Variants in MAP3K3 observed in about 807,000 individuals in gnomAD.
The protein encoded by MAP3K3 is mitogen-activated protein kinase kinase kinase 3.
A neutral mutation model predicts 80.9 loss-of-function variants in MAP3K3; 12 were observed. The observed-to-expected ratio is 0.15, with a 90% confidence interval of 0.10 to 0.24. MAP3K3 has a LOEUF of 0.24. Among genes scored for constraint, MAP3K3 ranks in the 10% least tolerant of loss-of-function variants. MAP3K3 has a pLI of 1.00. For synonymous variants in MAP3K3, 272 were observed against 307.1 expected (o/e 0.89, Z 1.19); for missense variants, 596 against 834.7 (o/e 0.71, Z 3.52).
In MAP3K3 at chr17:63,692,385, A is replaced by T. The variant is rs762747364; in HGVS notation, c.1618A>T (p.Ser540Cys). 6.2e-7 allele frequency: 1 copy of T among 1,611,184 alleles called. No homozygotes were observed. Among genetic ancestry groups the T allele is most frequent in the Non-Finnish European group, 8.5e-7 (1 of 1,178,300 alleles). Residue 540 changes from serine (S) to cysteine (C), a missense_variant, in exon 15 of 16, where the codon AGC becomes TGC. Transcript: ENST00000361733. This position sits in a 1 kb window ranked among gnomAD's most constrained non-coding sequence, Gnocchi z 4.5. ...CTACTGGATGAGCCCTGAGGTGATC[A>T]GCGGCGAGGGCTATGGAAGGAAAGC... The part of the protein sequence containing the change: ...TPYWMSPEVI[S>C]GEGYGRKADV...
At chr17:63,684,283 T>C (rs2035402199) in intron 7 of MAP3K3, among the ~76,000 whole-genome samples, 1 of 152,228 alleles carries the variant, frequency 6.6e-6, no homozygotes, top group African/African-American at 2.4e-5. Context: ...GAATCTTTGG[T>C]ATTCTTCCTC....
intron 10 of MAP3K3, 57 bp downstream of exon 10, chr17:63,688,938 T>C (rs970236206): frequency 3.0e-6 from 4 of 1,319,234 alleles, no homozygotes; most frequent in African/African-American, 1.4e-5. Context: ...CAAGTTGCCA[T>C]GGGGAGGGTG....
intron 5 of MAP3K3, among the ~76,000 whole-genome samples, chr17:63,664,038 C>T (rs1199514716): frequency 6.6e-6 from 1 of 151,370 alleles, no homozygotes; most frequent in Non-Finnish European, 1.5e-5. Context: ...GTCAGGAGAT[C>T]GAGACCATCC....
intron 3 of MAP3K3, among the ~76,000 whole-genome samples, chr17:63,648,730 G>A (rs145561922): frequency 1.3e-5 from 2 of 152,188 alleles, no homozygotes; most frequent in African/African-American, 4.8e-5. Context: ...CAGGAGAATC[G>A]CTTGAACCTG....
chr17:63,676,678 A>C (rs1431542336), intron 6 of MAP3K3, among the ~76,000 whole-genome samples: 2 of 152,220 alleles, frequency 1.3e-5, no homozygotes, highest in Non-Finnish European at 2.9e-5. Flanking sequence ...CAATGAGGGA[A>C]GAAAGAGAAG....
chr17:63,688,921 G>GAAAGGACAAGTTGCCAA, intron 10 of MAP3K3, 40 bp downstream of exon 10: 1 of 1,491,356 alleles, frequency 6.7e-7, no homozygotes, highest in South Asian at 1.1e-5. Flanking sequence ...GCTGCCTCAA[G>GAAAGGACAAGTTGCCAA]AAAGGACAAG....
At chr17:63,626,999 G>A (rs1467686183) in intron 1 of MAP3K3, among the ~76,000 whole-genome samples, 1 of 152,280 alleles carries the variant, frequency 6.6e-6, no homozygotes, top group East Asian at 1.9e-4. Context: ...AACTTTTCTG[G>A]GTTGTTAGCC....
intron 6 of MAP3K3, among the ~76,000 whole-genome samples, chr17:63,680,804 T>G (rs1003326226): frequency 8.0e-6 from 1 of 124,696 alleles, no homozygotes; most frequent in African/African-American, 3.4e-5. Flanking sequence ...GTGTTTTGGG[T>G]TTTTTTTTTT....
rs2035547033 is a variant in MAP3K3, at chr17:63,689,841, C to G, written c.1063+106C>G. ...GACCCTTAGGCTCAGCAGGTGGTGG[C>G]TTTGGCCCAAATGCACCACATGGGA... On this transcript the variant is annotated intron_variant, in intron 11 of 15. Coordinates refer to ENST00000361733, the MANE Select transcript of MAP3K3 (RefSeq NM_002401.5). The surrounding 1 kb of genome is among the most constrained non-coding windows in gnomAD (Gnocchi z 4.3). 1.8e-6 allele frequency: 2 copies of G among 1,138,926 alleles called. No homozygotes were observed. The highest frequency in any genetic ancestry group is 5.2e-5 in the East Asian group (2 of 38,632). The allele number at this position is 1,138,926 out of a possible 1,614,324, so 70.6% of individuals were successfully genotyped here. A position where few individuals can be genotyped will look rare whatever the true frequency, so the allele number is the denominator to read the frequency against.
chr17:63,623,986 A>G (rs2034048854), intron 1 of MAP3K3, among the ~76,000 whole-genome samples: 1 of 152,158 alleles, frequency 6.6e-6, no homozygotes, highest in African/African-American at 2.4e-5. Flanking sequence ...CTGGCTTTGA[A>G]TGAATTGCCT....
chr17:63,667,642 A>G (rs1217943932), intron 6 of MAP3K3, among the ~76,000 whole-genome samples: 4 of 152,184 alleles, frequency 2.6e-5, no homozygotes, highest in Non-Finnish European at 5.9e-5. Flanking sequence ...CTGAAATAAA[A>G]TAGTGTAGTA....
chr17:63,657,189 C>G (rs1415447660), intron 4 of MAP3K3, among the ~76,000 whole-genome samples: 1 of 151,978 alleles, frequency 6.6e-6, no homozygotes. Flanking sequence ...GGGACATGAT[C>G]CTACTTAATT....
chr17:63,668,704 T>A (rs969706990), intron 6 of MAP3K3, among the ~76,000 whole-genome samples: 2 of 152,134 alleles, frequency 1.3e-5, no homozygotes, highest in African/African-American at 4.8e-5. Context: ...TATATGGAAA[T>A]GATTTTCCTG....
intron 1 of MAP3K3, among the ~76,000 whole-genome samples, chr17:63,623,534 T>G (rs989735763): frequency 6.6e-6 from 1 of 152,262 alleles, no homozygotes; most frequent in East Asian, 1.9e-4. Context: ...AGAATTTCTC[T>G]GAAATCACTT....
intron 2 of MAP3K3, among the ~76,000 whole-genome samples, chr17:63,640,235 G>A (rs765721420): frequency 6.6e-6 from 1 of 152,158 alleles, no homozygotes; most frequent in Non-Finnish European, 1.5e-5. Flanking sequence ...CACAGTGATT[G>A]TGCCTGTGAA....
rs1249411609 is a variant in MAP3K3 at position 63,694,781 on chromosome 17, A to C, written c.*1004A>C. ...GTCGTGACCTGCTAGGCCAGAGCCCACTCCATCTGGTAGAAGGGAAAGCCC... is the reference window on the plus strand; with the variant it reads ...GTCGTGACCTGCTAGGCCAGAGCCCCCTCCATCTGGTAGAAGGGAAAGCCC... On this transcript the variant is annotated 3_prime_UTR_variant, in exon 16 of 16. Transcript: ENST00000361733. 6.6e-6 allele frequency: 1 copy of C among 152,310 alleles called. No individual in the cohort carries two copies. The highest frequency in any genetic ancestry group is 1.9e-4 in the East Asian group (1 of 5,182). 9.4% of individuals were successfully genotyped at this position (152,310 alleles called of 1,614,324 possible). A position where few individuals can be genotyped will look rare whatever the true frequency, so the allele number is the denominator to read the frequency against.
chr17:63,623,283 A>G (rs891647252), intron 1 of MAP3K3, among the ~76,000 whole-genome samples: 1 of 152,134 alleles, frequency 6.6e-6, no homozygotes, highest in Non-Finnish European at 1.5e-5. Context: ...GCCCCAGCGC[A>G]GGGGGGAGGG....
chr17:63,644,373 CA>C lies in MAP3K3; in HGVS notation c.127-1660del, dbSNP rs376276125. 7.4e-4 allele frequency among the ~76,000 whole-genome samples: 112 copies of C among 152,172 alleles called. 1 individual carries two copies. Among genetic ancestry groups the C allele is most frequent in the African/African-American group, 2.4e-3 (98 of 41,500 alleles). On this transcript the variant is annotated intron_variant, in intron 2 of 15. Coordinates refer to ENST00000361733, the MANE Select transcript of MAP3K3 (RefSeq NM_002401.5). ...GGGATTACAGGTGTGCGCCATTACT[CA>C]CGGCACACTTTTTGTATTTTAAGTA...
rs774794834 is a variant in MAP3K3 at position 63,691,073 on chromosome 17, GC to G, written c.1213-28del. 2.5e-6 allele frequency: 4 copies of G among 1,613,094 alleles called. No individual in the cohort carries two copies. The South Asian group carries it at 4.4e-5, about 18-fold the overall frequency. The stretch of plus-strand genomic sequence containing the variant: ...GGCGGGCAGAACTAGGGCCCTGAGA[GC>G]TGAGGCGACCACTGACCCCTCCCCT... On this transcript the variant is annotated intron_variant, in intron 12 of 15. Transcript: ENST00000361733. The surrounding 1 kb of genome is among the most constrained non-coding windows in gnomAD (Gnocchi z 4.8).
Sources: gnomAD v4.1 joint callset for allele counts (sites outside exome capture counted in the v4.1 genomes callset) on GRCh38, gnomAD v4.1.1 for gene constraint, Gnocchi (gnomAD v3.1) non-coding constraint, MANE v1.5 for transcripts, NCBI Gene and HGNC (gene_info 2026-07-23, HGNC 2026-07-21) for gene names.